DGLUCY: variants seen among roughly 807,000 people sequenced by gnomAD.
DGLUCY encodes the protein D-glutamate cyclase.
DGLUCY carries 58 observed loss-of-function variants against 58.5 expected under a neutral mutation model. The observed-to-expected ratio is 0.99, with a 90% CI of 0.80 to 1.23. DGLUCY has a LOEUF of 1.23. Ranked by LOEUF, DGLUCY falls within the 50% of genes most tolerant of loss-of-function variation. DGLUCY has a pLI of 0.00. For missense variants in DGLUCY, 779 were observed against 784.7 expected, an observed-to-expected ratio of 0.99 and a Z score of 0.09; for synonymous variants, 325 against 314.1, an observed-to-expected ratio of 1.03 and a Z score of -0.37.
At chr14:91,199,979 G>C (rs1595901493) in intron 11 of DGLUCY, 74 bp downstream of exon 11, 2 of 1,579,048 alleles carry the variant, frequency 1.3e-6, no homozygotes, top group East Asian at 4.5e-5. Flanking sequence ...TGTTGTTATG[G>C]AGTCTTGCTC....
chr14:91,159,428 CAG>C (rs1423483373), intron 2 of DGLUCY, among the ~76,000 whole-genome samples: 2 of 152,146 alleles, frequency 1.3e-5, no homozygotes, highest in African/African-American at 4.8e-5. Context: ...GCCTGGGAGA[CAG>C]AGTGGCGAGA....
intron 8 of DGLUCY, among the ~76,000 whole-genome samples, chr14:91,187,374 G>C (rs2049588263): frequency 6.6e-6 from 1 of 152,214 alleles, no homozygotes; most frequent in African/African-American, 2.4e-5. Flanking sequence ...GTCCACTGCT[G>C]ATTTCAGCCA....
intron 1 of DGLUCY, among the ~76,000 whole-genome samples, chr14:91,089,393 C>G (rs575676558): frequency 5.9e-5 from 9 of 152,332 alleles, no homozygotes; most frequent in Middle Eastern, 3.4e-3. Context: ...TGGTTCTCAT[C>G]ATGTCTGACT....
intron 3 of DGLUCY, 36 bp downstream of exon 3, chr14:91,160,433 A>G (rs772682723): frequency 1.2e-4 from 167 of 1,446,658 alleles, no homozygotes; most frequent in Non-Finnish European, 1.5e-4. Context: ...AAAAAAAAAA[A>G]AAAAAAAAGA....
Position 91,074,104 on chromosome 14 carries a change from AATAT to A in DGLUCY, c.-82+13412_-82+13415del, listed in dbSNP as rs1175322033. ...GACCTCATCTCTACCAAAAAAAAAA[AATAT>A]ATATATATATACACACACACACACA... is the stretch of plus-strand genomic sequence containing the variant. On this transcript the variant is annotated intron_variant, in intron 1 of 4. Transcript: ENST00000521334. Among the ~76,000 whole-genome samples, 334 of 96,014 alleles carry A rather than the reference AATAT, an allele frequency of 3.5e-3. 6 individuals carry two copies. The highest frequency in any genetic ancestry group is 0.011 in the African/African-American group (259 of 22,996). 63.0% of individuals were successfully genotyped at this position (96,014 alleles called of 152,430 possible).
chr14:91,223,962 C>T (rs1262054187), intron 13 of DGLUCY, among the ~76,000 whole-genome samples: 2 of 152,288 alleles, frequency 1.3e-5, no homozygotes, highest in African/African-American at 2.4e-5. Flanking sequence ...GCCTGCTAGG[C>T]CCCGGGCTGC....
chr14:91,168,587 C>T (rs2048406645), intron 4 of DGLUCY, among the ~76,000 whole-genome samples: 1 of 152,192 alleles, frequency 6.6e-6, no homozygotes, highest in Non-Finnish European at 1.5e-5. Flanking sequence ...GTGCTGCTTC[C>T]TCTGCCTGGG....
At chr14:91,117,698 A>G (rs2045067696) in intron 1 of DGLUCY, among the ~76,000 whole-genome samples, 1 of 152,018 alleles carries the variant, frequency 6.6e-6, no homozygotes, top group African/African-American at 2.4e-5. Context: ...CCAAACTGTA[A>G]AATATTTGAA....
chr14:91,218,195 C>T (rs1886877032), intron 13 of DGLUCY, among the ~76,000 whole-genome samples: 4 of 152,166 alleles, frequency 2.6e-5, no homozygotes, highest in African/African-American at 9.7e-5. Flanking sequence ...TTTGTGCTTT[C>T]TTTATACTTC....
chr14:91,213,228 A>C (rs1301727630), intron 12 of DGLUCY, among the ~76,000 whole-genome samples: 2 of 152,168 alleles, frequency 1.3e-5, no homozygotes, highest in Non-Finnish European at 2.9e-5. Context: ...TGAAGCCAGG[A>C]GTTCAGGGCC....
intron 1 of DGLUCY, among the ~76,000 whole-genome samples, chr14:91,077,843 AAAGAGAGGAATGAAGG>A (rs1439980752): frequency 6.6e-6 from 1 of 150,828 alleles, no homozygotes; most frequent in Non-Finnish European, 1.5e-5. Flanking sequence ...GGAAAGGAAG[AAAGAGAGGAATGAAGG>A]AAGAAAGGAA....
chr14:91,086,012 T>C (rs1299104135), intron 1 of DGLUCY, among the ~76,000 whole-genome samples: 1 of 152,190 alleles, frequency 6.6e-6, no homozygotes, highest in African/African-American at 2.4e-5. Flanking sequence ...CCCCATCACC[T>C]GAGCTCTGCC....
intron 1 of DGLUCY, among the ~76,000 whole-genome samples, chr14:91,143,356 A>G (rs1230884056): frequency 1.3e-5 from 2 of 152,114 alleles, no homozygotes; most frequent in East Asian, 3.9e-4. Context: ...CTGCCTCCCA[A>G]AGTGCTGGGA....
chr14:91,160,929 T>C (rs1382129623), intron 3 of DGLUCY, among the ~76,000 whole-genome samples: 1 of 152,196 alleles, frequency 6.6e-6, no homozygotes, highest in Admixed American at 6.5e-5. Flanking sequence ...CGTCTGGTTA[T>C]GGTATAAGTG....
intron 11 of DGLUCY, among the ~76,000 whole-genome samples, chr14:91,203,701 G>A (rs2050712140): frequency 6.7e-6 from 1 of 148,480 alleles, no homozygotes; most frequent in Non-Finnish European, 1.5e-5. Context: ...TTTTTAGATG[G>A]AGTCTTGCTC....
chr14:91,210,076 T>C (rs1422367444), intron 12 of DGLUCY, among the ~76,000 whole-genome samples: 1 of 152,050 alleles, frequency 6.6e-6, no homozygotes, highest in Non-Finnish European at 1.5e-5. Context: ...AGCCTAGACA[T>C]TCAAGACCAG....
At chr14:91,113,247 C>T (rs952789720), upstream of DGLUCY, among the ~76,000 whole-genome samples, 1 of 152,250 alleles carries the variant, frequency 6.6e-6, no homozygotes, top group Middle Eastern at 3.4e-3. Context: ...TTGCAGTGAG[C>T]GGAGATCGTG....
At chr14:91,191,718 ATGT>A (rs1354905946) in intron 9 of DGLUCY, among the ~76,000 whole-genome samples, 2 of 152,206 alleles carry the variant, frequency 1.3e-5, no homozygotes, top group African/African-American at 4.8e-5. Flanking sequence ...AAGTAGCCAG[ATGT>A]TGTATCTATT....
intron 5 of DGLUCY, 83 bp downstream of exon 5, chr14:91,170,284 A>G (rs2048507106): frequency 6.9e-7 from 1 of 1,441,448 alleles, no homozygotes; most frequent in South Asian, 1.3e-5. Context: ...TGGGGAGAAC[A>G]TGGGCACGGG....
Sources: gnomAD v4.1 joint callset for allele counts (sites outside exome capture counted in the v4.1 genomes callset) on GRCh38, gnomAD v4.1.1 for gene constraint, MANE v1.5 for transcripts, NCBI Gene and HGNC (gene_info 2026-07-23, HGNC 2026-07-21) for gene names.